EPHA3: variants seen among roughly 807,000 people sequenced by gnomAD.
EPHA3 encodes the protein ephrin type-A receptor 3.
Under a neutral mutation model 107.1 loss-of-function variants are expected in EPHA3, and 42 were observed. That is an observed-to-expected ratio of 0.39 (90% CI 0.31 to 0.51). EPHA3 has a LOEUF of 0.51. Among genes scored for constraint, EPHA3 ranks in the 20% least tolerant of loss-of-function variants. EPHA3 has a pLI of 0.78. For missense variants in EPHA3, 1,183 were observed against 1,211.2 expected (o/e 0.98, Z 0.35); for synonymous variants, 461 against 424.8 (o/e 1.09, Z -1.05).
chr3:89,150,157 A>G (rs545171285), intron 2 of EPHA3, among the ~76,000 whole-genome samples: 88 of 152,126 alleles, frequency 5.8e-4, no homozygotes, highest in Admixed American at 9.8e-4. Flanking sequence ...CTTCATGATT[A>G]ATTATTTAAG....
intron 3 of EPHA3, among the ~76,000 whole-genome samples, chr3:89,282,413 T>C (rs565971796): frequency 6.3e-4 from 96 of 152,236 alleles, no homozygotes; most frequent in South Asian, 4.8e-3. Context: ...TAAGTACTTT[T>C]TTGGGAGAAA....
intron 13 of EPHA3, among the ~76,000 whole-genome samples, chr3:89,445,155 A>G (rs1462246734): frequency 6.6e-6 from 1 of 152,106 alleles, no homozygotes; most frequent in Non-Finnish European, 1.5e-5. Context: ...AATCCCAGCT[A>G]CTAAGGAGGC....
intron 3 of EPHA3, among the ~76,000 whole-genome samples, chr3:89,331,548 C>G (rs1401423465): frequency 6.6e-6 from 1 of 152,034 alleles, no homozygotes; most frequent in Non-Finnish European, 1.5e-5. Flanking sequence ...GCTCATATAA[C>G]TTTGTGTAGA....
At chr3:89,438,790 C>T (rs1340183779) in intron 13 of EPHA3, among the ~76,000 whole-genome samples, 1 of 152,112 alleles carries the variant, frequency 6.6e-6, no homozygotes, top group Non-Finnish European at 1.5e-5. Flanking sequence ...CTGCATGTAG[C>T]ATCAGAAAAT....
intron 5 of EPHA3, among the ~76,000 whole-genome samples, chr3:89,384,717 T>A (rs1384642778): frequency 6.6e-6 from 1 of 152,218 alleles, no homozygotes; most frequent in Non-Finnish European, 1.5e-5. Context: ...TGTCTCATGT[T>A]AAAAGACCAC....
At chr3:89,157,170 C>T (rs538136386) in intron 2 of EPHA3, among the ~76,000 whole-genome samples, 1 of 151,992 alleles carries the variant, frequency 6.6e-6, no homozygotes, top group Non-Finnish European at 1.5e-5. Context: ...TATGGTAGTG[C>T]GATCCAGTGT....
chr3:89,450,563 A>G (rs1709965678), intron 15 of EPHA3, among the ~76,000 whole-genome samples, 193 bp downstream of exon 15: 1 of 152,036 alleles, frequency 6.6e-6, no homozygotes, highest in African/African-American at 2.4e-5. Context: ...GTAATGATGA[A>G]ATTCTGAGAT....
intron 3 of EPHA3, among the ~76,000 whole-genome samples, chr3:89,213,014 C>A (rs1479036499): frequency 6.6e-6 from 1 of 151,990 alleles, no homozygotes; most frequent in African/African-American, 2.4e-5. Flanking sequence ...TCTGTTAATT[C>A]AGAAACTCTT....
intron 3 of EPHA3, among the ~76,000 whole-genome samples, chr3:89,225,127 A>G (rs1704473407): frequency 6.6e-6 from 1 of 152,134 alleles, no homozygotes; most frequent in Non-Finnish European, 1.5e-5. Flanking sequence ...GTTAAGATCT[A>G]AAGACGTGAA....
intron 2 of EPHA3, among the ~76,000 whole-genome samples, chr3:89,149,042 G>T (rs184313530): frequency 1.0e-3 from 152 of 151,998 alleles, no homozygotes; most frequent in Non-Finnish European, 1.0e-3. Context: ...ACCAATCAGA[G>T]ATTATAGTTC....
At chr3:89,112,657 T>G (rs1355061170) in intron 1 of EPHA3, among the ~76,000 whole-genome samples, 1 of 151,184 alleles carries the variant, frequency 6.6e-6, no homozygotes, top group East Asian at 1.9e-4. Flanking sequence ...AAAAAAGAAG[T>G]GTTCTTGAAA....
chr3:89,170,862 C>G (rs1318319921), intron 2 of EPHA3, among the ~76,000 whole-genome samples: 1 of 151,450 alleles, frequency 6.6e-6, no homozygotes, highest in Non-Finnish European at 1.5e-5. Context: ...GAATTAAGTT[C>G]AGTAGTTTTC....
At chr3:89,237,481 G>T (rs1353041272) in intron 3 of EPHA3, among the ~76,000 whole-genome samples, 1 of 152,184 alleles carries the variant, frequency 6.6e-6, no homozygotes, top group Non-Finnish European at 1.5e-5. Context: ...TAGAAATAGA[G>T]ATATCCATAA....
intron 3 of EPHA3, among the ~76,000 whole-genome samples, chr3:89,243,366 C>A (rs2107249022): frequency 6.6e-6 from 1 of 152,224 alleles, no homozygotes; most frequent in South Asian, 2.1e-4. Flanking sequence ...TTTACAGTCC[C>A]ACCAACAGTG....
At chr3:89,439,492 C>A (rs1172829418) in intron 13 of EPHA3, among the ~76,000 whole-genome samples, 1 of 152,014 alleles carries the variant, frequency 6.6e-6, no homozygotes. Context: ...AGTATTATTT[C>A]TATCATTTCA....
intron 3 of EPHA3, among the ~76,000 whole-genome samples, chr3:89,306,226 A>T (rs905771158): frequency 7.2e-5 from 11 of 152,178 alleles, no homozygotes; most frequent in African/African-American, 2.4e-4. Context: ...GAGATTAGGT[A>T]ATTTTTGAAA....
At chr3:89,366,159 A>AT (rs1708180264) in intron 5 of EPHA3, among the ~76,000 whole-genome samples, 1 of 150,370 alleles carries the variant, frequency 6.7e-6, no homozygotes, top group Admixed American at 6.7e-5. Context: ...TGTGTCATGC[A>AT]TTTGGGAAAA....
chr3:89,322,164 C>T (rs992964991), intron 3 of EPHA3, among the ~76,000 whole-genome samples: 1 of 151,720 alleles, frequency 6.6e-6, no homozygotes, highest in African/African-American at 2.4e-5. Context: ...ACAGTATATA[C>T]TTATCGCATT....
chr3:89,353,211 G>A (rs1331592807), intron 5 of EPHA3, among the ~76,000 whole-genome samples: 1 of 151,304 alleles, frequency 6.6e-6, no homozygotes, highest in Admixed American at 6.6e-5. Context: ...CTATAGAACT[G>A]TATGTTGCCG....
Sources: allele counts gnomAD v4.1 joint callset (sites outside exome capture counted in the v4.1 genomes callset), GRCh38; gene constraint gnomAD v4.1.1; transcripts MANE v1.5; gene names NCBI Gene and HGNC (gene_info 2026-07-23, HGNC 2026-07-21).